Variants in SHISA9 observed in about 807,000 individuals in gnomAD.
The protein encoded by SHISA9 is protein shisa-9.
In SHISA9, 13 loss-of-function variants were observed where a neutral mutation model predicts 38.0. That is an observed-to-expected ratio of 0.34 (90% CI 0.22 to 0.54). The LOEUF (loss-of-function observed/expected upper bound fraction) is 0.54, where lower values mean the gene tolerates loss of function less well. Ranked by LOEUF, SHISA9 falls within the 20% of genes least tolerant of loss-of-function variation. SHISA9 has a pLI of 0.91. For missense variants in SHISA9, 538 were observed against 575.8 expected, an observed-to-expected ratio of 0.93 and a Z score of 0.67; for synonymous variants, 275 against 242.0, an observed-to-expected ratio of 1.14 and a Z score of -1.27.
chr16:13,534,044 A>G, the SHISA9 span, among the ~76,000 whole-genome samples: 1 of 151,886 alleles, frequency 6.6e-6, no homozygotes, highest in Admixed American at 6.6e-5. Flanking sequence ...CAGCCTCCCA[A>G]AGTGTTGGGA....
intron 2 of SHISA9, among the ~76,000 whole-genome samples, chr16:13,077,423 C>G (rs2073595835): frequency 6.6e-6 from 1 of 152,092 alleles, no homozygotes; most frequent in Non-Finnish European, 1.5e-5. Flanking sequence ...TTTCAAATTT[C>G]CAGGAGAAAG....
chr16:13,135,469 A>C (rs1298279809), intron 2 of SHISA9, among the ~76,000 whole-genome samples: 2 of 152,172 alleles, frequency 1.3e-5, no homozygotes, highest in African/African-American at 2.4e-5. Flanking sequence ...GCATATATAC[A>C]AAGTTTGGCC....
the SHISA9 span, among the ~76,000 whole-genome samples, chr16:13,507,243 C>G: frequency 6.6e-6 from 1 of 151,858 alleles, no homozygotes; most frequent in Non-Finnish European, 1.5e-5. Context: ...AACAATGAGA[C>G]TCAGAGAGTG....
intron 4 of SHISA9, among the ~76,000 whole-genome samples, chr16:13,225,541 G>A (rs1010865950): frequency 1.1e-4 from 16 of 152,280 alleles, no homozygotes; most frequent in African/African-American, 2.9e-4. Flanking sequence ...GGCAGAAACC[G>A]ATGAGGAAAT....
At chr16:13,455,483 C>T in the SHISA9 span, among the ~76,000 whole-genome samples, 2 of 152,186 alleles carry the variant, frequency 1.3e-5, no homozygotes, top group East Asian at 3.8e-4. Context: ...CACAAATGTT[C>T]ACATGGTGGA....
At chr16:13,214,245 C>G (rs1385947105) in intron 4 of SHISA9, among the ~76,000 whole-genome samples, 1 of 152,202 alleles carries the variant, frequency 6.6e-6, no homozygotes, top group Admixed American at 6.5e-5. Context: ...GTCACTCAGG[C>G]TAAAGTGCCG....
chr16:13,367,042 T>C, the SHISA9 span, among the ~76,000 whole-genome samples: 1 of 150,964 alleles, frequency 6.6e-6, no homozygotes, highest in Admixed American at 6.6e-5. Flanking sequence ...TTAATATATG[T>C]GTACAATTCC....
the SHISA9 span, among the ~76,000 whole-genome samples, chr16:13,452,540 T>C: frequency 1.3e-5 from 2 of 152,162 alleles, no homozygotes; most frequent in Non-Finnish European, 2.9e-5. Context: ...GGAGCATTAT[T>C]TGACAACAAA....
chr16:13,542,566 T>C, the SHISA9 span, among the ~76,000 whole-genome samples: 5 of 137,860 alleles, frequency 3.6e-5, no homozygotes, highest in Non-Finnish European at 1.5e-5. Flanking sequence ...TGAAGTGTGA[T>C]TGTGGGACTC....
At chr16:13,038,192 G>A (rs1015223038) in intron 2 of SHISA9, among the ~76,000 whole-genome samples, 9 of 152,178 alleles carry the variant, frequency 5.9e-5, no homozygotes, top group Non-Finnish European at 5.9e-5. Flanking sequence ...GTTTCACCAT[G>A]TTGCCCAGGC....
the SHISA9 span, among the ~76,000 whole-genome samples, chr16:13,437,139 C>A: frequency 3.9e-5 from 6 of 152,084 alleles, no homozygotes; most frequent in Admixed American, 1.3e-4. Context: ...GGGACACAAC[C>A]AAACCACATC....
At chr16:13,005,983 C>A (rs898175342) in intron 2 of SHISA9, among the ~76,000 whole-genome samples, 1 of 152,136 alleles carries the variant, frequency 6.6e-6, no homozygotes, top group Non-Finnish European at 1.5e-5. Flanking sequence ...ATGTTGGAGT[C>A]CTTTTTGATT....
chr16:13,017,659 G>T (rs879646093), intron 2 of SHISA9, among the ~76,000 whole-genome samples: 1 of 152,140 alleles, frequency 6.6e-6, no homozygotes, highest in Non-Finnish European at 1.5e-5. Context: ...TCTTTATTCA[G>T]TGTAGGTTAT....
chr16:13,162,506 C>T (rs775418615), intron 2 of SHISA9, among the ~76,000 whole-genome samples: 4 of 152,146 alleles, frequency 2.6e-5, no homozygotes, highest in Non-Finnish European at 5.9e-5. Context: ...CTTTAATACA[C>T]GAGACTGATT....
In SHISA9 at chr16:12,953,229, A is replaced by G. The variant is rs890463729; in HGVS notation, c.691+36414A>G. On this transcript the variant is annotated intron_variant, in intron 2 of 4. Coordinates refer to ENST00000558583, the MANE Select transcript of SHISA9 (RefSeq NM_001145204.3). ...CCCCTCAACAACAACAACAACAACA[A>G]CAACAACAACAAAAAACAGCCAAAG... 2.0e-5 allele frequency among the ~76,000 whole-genome samples: 3 copies of G among 152,226 alleles called. No homozygotes were observed. In the East Asian group the frequency reaches 5.8e-4, roughly 29 times the overall value.
At position 13,181,312 on chromosome 16, in the gene SHISA9, T is replaced by TACAC. The variant is rs1217237745; in HGVS notation, c.692-22062_692-22059dup. The stretch of plus-strand genomic sequence containing the variant: ...ATATATATATATATATATATATATA[T>TACAC]ACACACACACACACACACACACATA... On this transcript the variant is annotated intron_variant, in intron 2 of 4. Transcript: ENST00000558583. Among the ~76,000 whole-genome samples the TACAC allele has an allele frequency of 7.4e-3, 251 of 33,922 alleles. 3 individuals carry two copies. Among genetic ancestry groups the TACAC allele is most frequent in the African/African-American group, 0.019 (157 of 8,220 alleles). The allele number at this position is 33,922 out of a possible 152,430, so 22.3% of individuals were successfully genotyped here.
chr16:13,259,847 GGGCCTGTGATAGAAGAAGCTGCCATGAA>G, the SHISA9 span, among the ~76,000 whole-genome samples: 12 of 108,204 alleles, frequency 1.1e-4, no homozygotes, highest in East Asian at 2.2e-3. Context: ...CCAGGCCTCT[GGGCCTGTGATAGAAGAAGCTGCCATGAA>G]GGTCTCTGAC....
At chr16:13,501,654 A>G in the SHISA9 span, among the ~76,000 whole-genome samples, 3 of 152,202 alleles carry the variant, frequency 2.0e-5, no homozygotes, top group Admixed American at 6.5e-5. Flanking sequence ...TTTATTTACT[A>G]TTGTATGCTT....
chr16:13,187,884 G>T (rs969156541), intron 2 of SHISA9, among the ~76,000 whole-genome samples: 6 of 152,144 alleles, frequency 3.9e-5, no homozygotes, highest in Non-Finnish European at 8.8e-5. Flanking sequence ...GATGCACAGT[G>T]AACATTTCAT....
Sources: allele counts gnomAD v4.1 joint callset (sites outside exome capture counted in the v4.1 genomes callset), GRCh38; gene constraint gnomAD v4.1.1; transcripts MANE v1.5; gene names NCBI Gene and HGNC (gene_info 2026-07-23, HGNC 2026-07-21).